The following RPAP1 variants were observed in gnomAD, a reference collection of about 807,000 sequenced individuals.
RPAP1 encodes the protein RNA polymerase II associated protein 1.
A neutral mutation model predicts 142.4 loss-of-function variants in RPAP1; 109 were observed. The ratio of observed to expected loss-of-function variants is 0.77; its 90% CI spans 0.66 to 0.90. The LOEUF is 0.90. Among genes scored for constraint, RPAP1 ranks in the 40% least tolerant of loss-of-function variants. RPAP1 has a pLI of 0.00. For synonymous variants in RPAP1, 704 were observed against 738.9 expected, an observed-to-expected ratio of 0.95 and a Z score of 0.77; for missense variants, 1,546 against 1,751.7, an observed-to-expected ratio of 0.88 and a Z score of 2.10.
At position 41,522,936 on chromosome 15, in the gene RPAP1, C is replaced by T. The variant is rs759896933; in HGVS notation, c.2571G>A (p.Pro857=). 1.2e-5 allele frequency: 19 copies of T among 1,551,436 alleles called. No individual in the cohort carries two copies. The highest frequency in any genetic ancestry group is 8.4e-5 in the African/African-American group (6 of 71,068). The change falls in exon 19 of 25, where the codon CCG becomes CCA. Residue 857 remains proline (P), a synonymous_variant. Transcript: ENST00000304330. ...CTTCAAGGGCTGGCACACAGGACAGCGGGTTGCAGAGAAGGGAGCAGTGCC... is the reference window on the plus strand; with the variant it reads ...CTTCAAGGGCTGGCACACAGGACAGTGGGTTGCAGAGAAGGGAGCAGTGCC... ...SLRHCSLLCN[P]LSCVPALEAP...
intron 14 of RPAP1, among the ~76,000 whole-genome samples, chr15:41,525,677 T>C (rs1433126870): frequency 6.6e-6 from 1 of 151,338 alleles, no homozygotes; most frequent in Admixed American, 6.6e-5. Context: ...TTTTTTTAGA[T>C]GGAGTCTCGC....
chr15:41,522,217 T>G lies in RPAP1; in HGVS notation c.2776A>C (p.Asn926His). The G allele has an allele frequency of 3.1e-6, 5 of 1,613,912 alleles. No individual in the cohort carries two copies. Among genetic ancestry groups the G allele is most frequent in the Non-Finnish European group, 3.4e-6 (4 of 1,179,998 alleles). Residue 926 changes from asparagine to histidine, a missense_variant, in exon 20 of 25, where the codon AAT becomes CAT. Asn to His is a moderately conservative substitution (Grantham distance 68, BLOSUM62 1). This residue lies in a region of RPAP1 where 1,333 missense variants were observed against 1,486.6 expected (regional missense o/e 0.90). Coordinates refer to ENST00000304330, the MANE Select transcript of RPAP1 (RefSeq NM_015540.4). ...GGAGCCACACACTGGAGGAAGTAAT[T>G]CTGGAGTCCCGGGGCAGCCAATATG... is the stretch of plus-strand genomic sequence containing the variant. ...AAILAAPGLQNYFLQCVAPGA... is the reference protein window; with the variant it reads ...AAILAAPGLQHYFLQCVAPGA...
In RPAP1 at chr15:41,531,011, C is replaced by T. The variant is rs764209030; in HGVS notation, c.943+12G>A. Reference sequence around the variant, plus strand: ...TTTATCCACCAAAATATGACCCCCGCCTCCTGCAAACCTGGGGCTTCTGGC... The same window carrying T: ...TTTATCCACCAAAATATGACCCCCGTCTCCTGCAAACCTGGGGCTTCTGGC... On this transcript the variant is annotated intron_variant, in intron 7 of 24. Coordinates refer to ENST00000304330, the MANE Select transcript of RPAP1 (RefSeq NM_015540.4). 2.9e-5 allele frequency: 46 copies of T among 1,605,040 alleles called. No individual in the cohort carries two copies. The highest frequency in any genetic ancestry group is 8.4e-5 in the Admixed American group (5 of 59,838).
At chr15:41,519,153 A>C (rs532376830) in intron 22 of RPAP1, among the ~76,000 whole-genome samples, 14 of 152,314 alleles carry the variant, frequency 9.2e-5, no homozygotes, top group African/African-American at 3.4e-4. Context: ...TGGCCTCCCA[A>C]AATGTTGGAT....
chr15:41,527,446 G>A lies in RPAP1; in HGVS notation c.1588C>T (p.Leu530=), dbSNP rs1179136780. 4 of 1,614,136 alleles carry A rather than the reference G, an allele frequency of 2.5e-6. No individual in the cohort carries two copies. Among genetic ancestry groups the A allele is most frequent in the Admixed American group, 3.3e-5 (2 of 60,008 alleles). The change falls in exon 12 of 25, where the codon CTG becomes TTG. Residue 530 remains leucine, a synonymous_variant. Transcript: ENST00000304330. The stretch of plus-strand genomic sequence containing the variant: ...ACCTTGATGACATCATGTCGGGCCA[G>A]GTCAGGTGGAGGCCGGCTTTCTTCT... ...PEEESRPPPD[L]ARHDVIKGLL...
intron 1 of RPAP1, among the ~76,000 whole-genome samples, chr15:41,539,169 C>G (rs1416044440): frequency 1.3e-5 from 2 of 152,132 alleles, no homozygotes; most frequent in Admixed American, 6.5e-5. Context: ...AGTGCAGTAG[C>G]GTGATCTTGG....
In RPAP1 at chr15:41,536,144, G is replaced by A; in HGVS notation, c.405C>T (p.Arg135=). 6.2e-7 allele frequency: 1 copy of A among 1,614,000 alleles called. No homozygotes were observed. The highest frequency in any genetic ancestry group is 8.5e-7 in the Non-Finnish European group (1 of 1,179,886). ...SGVAFPAVFL[R]SRDTQGKSAT... is the part of the protein sequence containing the mutation. ...CCTTGCCTACCTGTGTGTCCCGCGA[G>A]CGAAGGAACACAGCAGGGAAAGCAA... Residue 135 remains arginine, a synonymous_variant, in exon 4 of 25, where the codon CGC becomes CGT. Transcript: ENST00000304330.
chr15:41,524,682 G>A (rs2051770747), intron 15 of RPAP1, among the ~76,000 whole-genome samples: 1 of 151,992 alleles, frequency 6.6e-6, no homozygotes, highest in Non-Finnish European at 1.5e-5. Flanking sequence ...CACCATATTG[G>A]CCAGGATGGT....
intron 22 of RPAP1, among the ~76,000 whole-genome samples, chr15:41,518,785 G>A (rs754751255): frequency 3.9e-5 from 6 of 152,100 alleles, no homozygotes; most frequent in Non-Finnish European, 8.8e-5. Flanking sequence ...AGAGGTTGCA[G>A]TGAACCAAGA....
At position 41,536,232 on chromosome 15, in the gene RPAP1, G is replaced by A. The variant is rs754420968; in HGVS notation, c.331-14C>T. 6.2e-7 allele frequency: 1 copy of A among 1,612,154 alleles called. No homozygotes were observed. The highest frequency in any genetic ancestry group is 8.5e-7 in the Non-Finnish European group (1 of 1,178,414). ...TGTATCTCGTTCCTGTAGCAACAAA[G>A]CACAAAGTTGTGAAGCACAATGGAG... On this transcript the variant is annotated splice_polypyrimidine_tract_variant and intron_variant, in intron 3 of 24. Transcript: ENST00000304330.
At chr15:41,524,343 T>C in intron 15 of RPAP1, 89 bp from the exon 16 acceptor site, 1 of 1,189,856 alleles carries the variant, frequency 8.4e-7, no homozygotes, top group Non-Finnish European at 1.1e-6. Context: ...GGATCTGCAG[T>C]TTGATAAAGG....
chr15:41,530,771 C>G (rs986569726), intron 7 of RPAP1, among the ~76,000 whole-genome samples: 1 of 152,170 alleles, frequency 6.6e-6, no homozygotes, highest in African/African-American at 2.4e-5. Flanking sequence ...GAGTGGGATT[C>G]AGCCATCACG....
chr15:41,520,884 C>G lies in RPAP1; in HGVS notation c.3302G>C (p.Trp1101Ser). ...GAGGCGAATCAGTGGCAGGAAGGGC[C>G]AGTCGGTGGGCAGCAGCGGCTCCGT... ...MPTEPLLPTDWPFLPLIRLYH... is the reference protein window; with the variant it reads ...MPTEPLLPTDSPFLPLIRLYH... Residue 1101 changes from tryptophan (W) to serine (S), a missense_variant, in exon 22 of 25, where the codon TGG (tryptophan) becomes TCG (serine). Coordinates refer to ENST00000304330, the MANE Select transcript of RPAP1 (RefSeq NM_015540.4). 3.1e-6 allele frequency: 5 copies of G among 1,613,620 alleles called. No homozygotes were observed. The highest frequency in any genetic ancestry group is 4.2e-6 in the Non-Finnish European group (5 of 1,180,022).
At chr15:41,543,115 A>C in intron 1 of RPAP1, among the ~76,000 whole-genome samples, 1 of 152,056 alleles carries the variant, frequency 6.6e-6, no homozygotes, top group East Asian at 1.9e-4. Flanking sequence ...CCAGTTTTGG[A>C]ATCAATAGGC....
rs201836725 is a variant in RPAP1, at chr15:41,539,851, ATGG to A, written c.-76-2653_-76-2651del. Among the ~76,000 whole-genome samples, 1,323 of 152,042 alleles carry A rather than the reference ATGG, an allele frequency of 8.7e-3. 11 individuals are homozygous for A. Among genetic ancestry groups the A allele is most frequent in the African/African-American group, 0.03 (1,256 of 41,512 alleles). On this transcript the variant is annotated intron_variant, in intron 1 of 24. Transcript: ENST00000304330. ...AGGAGTTCAAACCAGCCTGACCAACATGGTGAAGTCTCTACTAAAAATACAAAA... is the reference window on the plus strand; with the variant it reads ...AGGAGTTCAAACCAGCCTGACCAACATGAAGTCTCTACTAAAAATACAAAA...
rs1159785921 is a variant in RPAP1, at chr15:41,540,321, G to A, written c.-76-3120C>T. On this transcript the variant is annotated intron_variant, in intron 1 of 24. Transcript: ENST00000304330. ...TTACTACTATTTTTTTTTTTTTTGAGATGGAGTTTCACTCTTGTTGCCCAG... is the reference window on the plus strand; with the variant it reads ...TTACTACTATTTTTTTTTTTTTTGAAATGGAGTTTCACTCTTGTTGCCCAG... Among the ~76,000 whole-genome samples the A allele has an allele frequency of 2.6e-4, 35 of 132,746 alleles. No homozygotes were observed. The East Asian group carries it at 7.7e-3, about 29-fold the overall frequency. The allele number at this position is 132,746 out of a possible 152,430, so 87.1% of individuals were successfully genotyped here.
At chr15:41,528,419 C>T (rs578021619) in intron 9 of RPAP1, 83 bp from the exon 10 acceptor site, 2 of 968,268 alleles carry the variant, frequency 2.1e-6, no homozygotes, top group East Asian at 2.6e-5. Context: ...ACAGGAAAGA[C>T]AAAGATAAAT....
Position 41,525,119 on chromosome 15 carries a change from C to T in RPAP1, c.1947G>A (p.Leu649=). The T allele has an allele frequency of 4.3e-6, 7 of 1,612,930 alleles. No homozygotes were observed. The highest frequency in any genetic ancestry group is 1.1e-5 in the South Asian group (1 of 90,980). Residue 649 remains leucine (L), a synonymous_variant, in exon 15 of 25, where the codon CTG becomes CTA. Transcript: ENST00000304330. ...LLSSFDLRSR[L]CRIIAEAPQE... is the part of the protein sequence containing the mutation. ...GGGGAGCCTCAGCTATGATGCGGCA[C>T]AGGCGGCTCCGGAGATCAAAGCTGC...
At chr15:41,543,007 A>G (rs1357885630) in intron 1 of RPAP1, among the ~76,000 whole-genome samples, 1 of 152,084 alleles carries the variant, frequency 6.6e-6, no homozygotes. Context: ...AACAATTCCT[A>G]CTTATCCATG....
Sources: allele counts gnomAD v4.1 joint callset (sites outside exome capture counted in the v4.1 genomes callset), GRCh38; gene constraint gnomAD v4.1.1; regional missense constraint gnomAD v4.1.1; transcripts MANE v1.5; gene names NCBI Gene and HGNC (gene_info 2026-07-23, HGNC 2026-07-21).